Variants in SLCO1B1 observed in about 807,000 individuals in gnomAD.
SLCO1B1 encodes the protein solute carrier organic anion transporter family member 1B1.
Under a neutral mutation model 70.1 loss-of-function variants are expected in SLCO1B1, and 81 were observed. That is an observed-to-expected ratio of 1.16 (90% CI 0.97 to 1.39). SLCO1B1 has a LOEUF of 1.39. Among genes scored for constraint, SLCO1B1 ranks in the 40% most tolerant of loss-of-function variants. The probability of loss-of-function intolerance (pLI) is 0.00; values close to 1 mark genes in which losing one functional copy is unlikely to be tolerated. For missense variants in SLCO1B1, 895 were observed against 799.6 expected (o/e 1.12, Z -1.44); for synonymous variants, 283 against 271.5 (o/e 1.04, Z -0.42).
intron 2 of SLCO1B1, among the ~76,000 whole-genome samples, chr12:21,167,821 T>C (rs1331184648): frequency 1.3e-5 from 2 of 149,544 alleles, no homozygotes; most frequent in Non-Finnish European, 3.0e-5. Context: ...TTCTTTTCTT[T>C]TTTTTTTTTT....
At chr12:21,212,007 A>C (rs1165274517) in intron 11 of SLCO1B1, among the ~76,000 whole-genome samples, 1 of 148,878 alleles carries the variant, frequency 6.7e-6, no homozygotes, top group Non-Finnish European at 1.5e-5. Flanking sequence ...CCTTTCAAAA[A>C]ACCAGCTCCT....
chr12:21,167,983 A>G (rs1341655002), intron 2 of SLCO1B1, among the ~76,000 whole-genome samples: 6 of 145,460 alleles, frequency 4.1e-5, no homozygotes, highest in Admixed American at 6.9e-5. Context: ...TGCGCAGGTA[A>G]TTTTTTTTTT....
intron 2 of SLCO1B1, 74 bp from the exon 3 acceptor site, chr12:21,172,575 TA>T: frequency 6.8e-7 from 1 of 1,465,882 alleles, no homozygotes; most frequent in Non-Finnish European, 9.5e-7. Flanking sequence ...AAAGCTATTA[TA>T]ATTCCATGTG....
At chr12:21,202,445 T>C (rs549131037) in intron 9 of SLCO1B1, 46 bp from the exon 10 acceptor site, 27 of 1,198,230 alleles carry the variant, frequency 2.3e-5, no homozygotes, top group South Asian at 1.5e-4. Context: ...TAAAGACATA[T>C]CAGAAAACTC....
At chr12:21,231,767 AAG>A (rs570211015) in intron 14 of SLCO1B1, among the ~76,000 whole-genome samples, 2 of 151,950 alleles carry the variant, frequency 1.3e-5, no homozygotes, top group Non-Finnish European at 2.9e-5. Context: ...TGTGTCTGTA[AAG>A]AGAGAGGGAG....
intron 7 of SLCO1B1, among the ~76,000 whole-genome samples, chr12:21,182,113 A>G (rs1376461658): frequency 6.6e-6 from 1 of 152,166 alleles, no homozygotes; most frequent in African/African-American, 2.4e-5. Context: ...GAGAGGTGAC[A>G]CAGACACTGA....
At chr12:21,212,755 G>A (rs1417895763) in intron 11 of SLCO1B1, among the ~76,000 whole-genome samples, 3 of 138,576 alleles carry the variant, frequency 2.2e-5, no homozygotes, top group African/African-American at 8.2e-5. Context: ...CTCCTGTATT[G>A]GGTGCATATA....
At chr12:21,214,979 G>A (rs1941340777) in intron 11 of SLCO1B1, among the ~76,000 whole-genome samples, 1 of 152,074 alleles carries the variant, frequency 6.6e-6, no homozygotes, top group East Asian at 1.9e-4. Context: ...TCCCTAGTGA[G>A]ATGAACCCGG....
At chr12:21,170,811 G>T (rs1352760874) in intron 2 of SLCO1B1, among the ~76,000 whole-genome samples, 4 of 152,098 alleles carry the variant, frequency 2.6e-5, no homozygotes, top group Non-Finnish European at 5.9e-5. Flanking sequence ...TATATCATTT[G>T]ATAGTTTCTT....
chr12:21,133,949 G>A (rs551291725), intron 1 of SLCO1B1, among the ~76,000 whole-genome samples: 1 of 152,288 alleles, frequency 6.6e-6, no homozygotes, highest in East Asian at 1.9e-4. Flanking sequence ...TGCCCATTCA[G>A]TATCATATTG....
intron 1 of SLCO1B1, among the ~76,000 whole-genome samples, chr12:21,140,952 C>A (rs191862797): frequency 3.9e-5 from 6 of 151,982 alleles, no homozygotes; most frequent in Non-Finnish European, 5.9e-5. Flanking sequence ...ACCAGAGTTG[C>A]TCTGAGAAGT....
chr12:21,173,262 T>C (rs1940777077), intron 3 of SLCO1B1, among the ~76,000 whole-genome samples: 1 of 152,226 alleles, frequency 6.6e-6, no homozygotes, highest in Non-Finnish European at 1.5e-5. Context: ...AGATATTTTG[T>C]TGTCTTCATT....
chr12:21,174,446 C>G, intron 3 of SLCO1B1, 131 bp from the exon 4 acceptor site: 1 of 850,074 alleles, frequency 1.2e-6, no homozygotes, highest in Non-Finnish European at 1.9e-6. Context: ...AATTCACCTT[C>G]TCAATTAAAT....
At chr12:21,150,554 G>T (rs1379377227) in intron 2 of SLCO1B1, among the ~76,000 whole-genome samples, 1 of 152,048 alleles carries the variant, frequency 6.6e-6, no homozygotes, top group African/African-American at 2.4e-5. Flanking sequence ...AGGCAAACAG[G>T]GTCTGGAGTG....
At chr12:21,145,523 T>C (rs1375091709) in intron 2 of SLCO1B1, among the ~76,000 whole-genome samples, 1 of 142,708 alleles carries the variant, frequency 7.0e-6, no homozygotes, top group Non-Finnish European at 1.5e-5. Context: ...TCTTACCTTG[T>C]TGCCAGGCTG....
Position 21,217,292 on chromosome 12 carries a change from G to T in SLCO1B1, c.1671G>T (p.Met557Ile). 1 of 1,613,270 alleles carries T rather than the reference G, an allele frequency of 6.2e-7. No individual in the cohort carries two copies. The highest frequency in any genetic ancestry group is 8.5e-7 in the Non-Finnish European group (1 of 1,179,372). The change falls in exon 12 of 15, where the codon ATG becomes ATT. Residue 557 changes from methionine to isoleucine, a missense_variant. Transcript: ENST00000256958. Reference protein sequence around the residue: ...FSALGGTSHVMLIVKIVQPEL... With the variant: ...FSALGGTSHVILIVKIVQPEL... ...CACTTGGAGGCACCTCACATGTCAT[G>T]CTGATTGTTAAGTAAGTATGACTTT...
At chr12:21,188,692 A>C (rs965601414) in intron 7 of SLCO1B1, among the ~76,000 whole-genome samples, 2 of 151,730 alleles carry the variant, frequency 1.3e-5, no homozygotes, top group Non-Finnish European at 2.9e-5. Flanking sequence ...AGTGTGTAAT[A>C]CCTCCCCCCT....
At chr12:21,224,550 G>A (rs1941463777) in intron 13 of SLCO1B1, among the ~76,000 whole-genome samples, 172 bp from the exon 14 acceptor site, 1 of 152,236 alleles carries the variant, frequency 6.6e-6, no homozygotes, top group South Asian at 2.1e-4. Flanking sequence ...CATGATTTGG[G>A]TCTTTGAGAT....
At chr12:21,191,482 A>G (rs555808144) in intron 7 of SLCO1B1, among the ~76,000 whole-genome samples, 28 of 152,138 alleles carry the variant, frequency 1.8e-4, no homozygotes, top group African/African-American at 6.0e-4. Flanking sequence ...GTATCCTGCA[A>G]CTTTACAGAA....
Sources: allele counts gnomAD v4.1 joint callset (sites outside exome capture counted in the v4.1 genomes callset), GRCh38; gene constraint gnomAD v4.1.1; transcripts MANE v1.5; gene names NCBI Gene and HGNC (gene_info 2026-07-23, HGNC 2026-07-21).